Variants in UBAP2 observed in about 807,000 individuals in gnomAD.
UBAP2 encodes ubiquitin-associated protein 2.
UBAP2 carries 75 observed loss-of-function variants against 139.6 expected under a neutral mutation model. The ratio of observed to expected loss-of-function variants is 0.54; its 90% CI spans 0.45 to 0.65. The LOEUF is 0.65. UBAP2 is among the 30% of genes least tolerant of loss of function. The pLI, the probability that UBAP2 is intolerant of heterozygous loss-of-function variation, is 0.00. For synonymous variants in UBAP2, 526 were observed against 526.2 expected (o/e 1.00, Z 0.01); for missense variants, 1,368 against 1,369.6 (o/e 1.00, Z 0.02).
intron 1 of UBAP2, among the ~76,000 whole-genome samples, chr9:34,030,504 T>C (rs1197345615): frequency 6.6e-6 from 1 of 151,892 alleles, no homozygotes; most frequent in Non-Finnish European, 1.5e-5. Context: ...ACACCTGTGG[T>C]CCCAGCTACT....
At chr9:33,992,389 CAAA>C (rs33969994) in intron 4 of UBAP2, among the ~76,000 whole-genome samples, 1 of 80,020 alleles carries the variant, frequency 1.2e-5, no homozygotes. Flanking sequence ...AACTCCATCT[CAAA>C]AAAAAAAAAA....
intron 1 of UBAP2, among the ~76,000 whole-genome samples, chr9:34,017,926 C>CAA (rs796397170): frequency 3.4e-5 from 4 of 116,432 alleles, no homozygotes; most frequent in Admixed American, 8.9e-5. Context: ...GACTCCGTCT[C>CAA]AAAAAAAAAA....
At chr9:34,008,951 G>T (rs1487676225) in intron 2 of UBAP2, among the ~76,000 whole-genome samples, 2 of 111,880 alleles carry the variant, frequency 1.8e-5, no homozygotes, top group East Asian at 2.6e-4. Context: ...GCGACACAGC[G>T]AGACTGTCTC....
chr9:33,924,213 T>C lies in UBAP2; in HGVS notation c.2583A>G (p.Pro861=), dbSNP rs759213259. The change falls in exon 23 of 29, where the codon CCA becomes CCG. Residue 861 remains proline, a synonymous_variant. Coordinates refer to ENST00000379238, the MANE Select transcript of UBAP2 (RefSeq NM_001370062.2). ...TCCATTGAGCAAACTCACCTGGATA[T>C]GGATTATTAGCTAGGCTCCCATCTC... The part of the protein sequence containing the change: ...ASRDGSLANN[P]YPGDVTKFGR... The C allele has an allele frequency of 6.2e-7, 1 of 1,614,184 alleles. No homozygotes were observed. Among genetic ancestry groups the C allele is most frequent in the South Asian group, 1.1e-5 (1 of 91,086 alleles).
intron 6 of UBAP2, among the ~76,000 whole-genome samples, chr9:33,981,749 A>G (rs186483191): frequency 1.4e-3 from 211 of 145,858 alleles, no homozygotes; most frequent in Middle Eastern, 6.8e-3. Context: ...GAGGGATGGA[A>G]GGATGGAAGG....
intron 9 of UBAP2, among the ~76,000 whole-genome samples, chr9:33,962,079 G>T (rs762964094): frequency 4.6e-5 from 7 of 152,184 alleles, no homozygotes; most frequent in Non-Finnish European, 1.0e-4. Context: ...ATGAAAGCCA[G>T]AATTGTAAGA....
chr9:33,979,632 C>T (rs1820462121), intron 6 of UBAP2, among the ~76,000 whole-genome samples: 1 of 152,008 alleles, frequency 6.6e-6, no homozygotes, highest in African/African-American at 2.4e-5. Flanking sequence ...CCTGTAATCC[C>T]AGCACTTTGG....
chr9:34,001,965 TAAAAAAAA>T (rs201917526), intron 2 of UBAP2, among the ~76,000 whole-genome samples: 1 of 142,798 alleles, frequency 7.0e-6, no homozygotes, highest in Non-Finnish European at 1.5e-5. Context: ...ATTTTTTCAT[TAAAAAAAA>T]AAAACAAAAA....
intron 2 of UBAP2, among the ~76,000 whole-genome samples, chr9:34,007,529 C>T (rs970885339): frequency 1.3e-5 from 2 of 151,134 alleles, no homozygotes; most frequent in Non-Finnish European, 2.9e-5. Flanking sequence ...AGGTATGTTC[C>T]TTCCACACTC....
In UBAP2 at chr9:33,923,955, G is replaced by A; in HGVS notation, c.2636C>T (p.Pro879Leu). The part of the protein sequence containing the change: ...FGRGDSASPA[P>L]ATTPAQPQQS... Reference sequence around the variant, plus strand: ...CTGTGGCTGAGCTGGTGTGGTAGCGGGTGCAGGGGATGCAGAGTCCCCACG... The same window carrying A: ...CTGTGGCTGAGCTGGTGTGGTAGCGAGTGCAGGGGATGCAGAGTCCCCACG... The change falls in exon 24 of 29, where the codon CCC (proline) becomes CTC (leucine). Residue 879 changes from proline to leucine, a missense_variant. Coordinates refer to ENST00000379238, the MANE Select transcript of UBAP2 (RefSeq NM_001370062.2). The A allele has an allele frequency of 1.2e-6, 2 of 1,614,118 alleles. No individual in the cohort carries two copies. Among genetic ancestry groups the A allele is most frequent in the Non-Finnish European group, 1.7e-6 (2 of 1,180,022 alleles).
chr9:33,983,005 G>A (rs539285390), intron 6 of UBAP2, among the ~76,000 whole-genome samples: 1 of 151,630 alleles, frequency 6.6e-6, no homozygotes, highest in African/African-American at 2.4e-5. Flanking sequence ...CGGCCTCCAA[G>A]TAGCTGGGAC....
chr9:34,046,057 A>G (rs1429711241), intron 1 of UBAP2, among the ~76,000 whole-genome samples: 2 of 152,134 alleles, frequency 1.3e-5, no homozygotes, highest in African/African-American at 2.4e-5. Context: ...AATAACAACT[A>G]AGAGCTCCAT....
chr9:34,033,789 G>A (rs1174794376), intron 1 of UBAP2, among the ~76,000 whole-genome samples: 1 of 151,242 alleles, frequency 6.6e-6, no homozygotes, highest in Non-Finnish European at 1.5e-5. Context: ...AGGCTGGAGT[G>A]CAATGGCATG....
chr9:34,012,964 G>A (rs754373467), intron 2 of UBAP2, among the ~76,000 whole-genome samples: 66 of 151,434 alleles, frequency 4.4e-4, no homozygotes, highest in Middle Eastern at 6.8e-3. Context: ...TGACTAACCT[G>A]GCCAACATGG....
At position 33,979,714 on chromosome 9, in the gene UBAP2, C is replaced by T. The variant is rs185608097; in HGVS notation, c.521-6477G>A. Among the ~76,000 whole-genome samples the T allele has an allele frequency of 2.6e-5, 4 of 152,040 alleles. No homozygotes were observed. In the East Asian group the frequency reaches 7.8e-4, roughly 29 times the overall value. On this transcript the variant is annotated intron_variant, in intron 6 of 28. Coordinates refer to ENST00000379238, the MANE Select transcript of UBAP2 (RefSeq NM_001370062.2). ...TGGCCAACATGGTGAAACCCCGTCT[C>T]TACTAAAAAATACAAGAAGTAGCTG...
intron 2 of UBAP2, 102 bp downstream of exon 2, chr9:34,016,948 T>C (rs1824407797): frequency 2.4e-6 from 2 of 822,492 alleles, no homozygotes; most frequent in African/African-American, 3.5e-5. Flanking sequence ...ATTTCCTTAA[T>C]TCTAAACAAG....
At chr9:34,034,092 C>T (rs1826123353) in intron 1 of UBAP2, among the ~76,000 whole-genome samples, 1 of 152,118 alleles carries the variant, frequency 6.6e-6, no homozygotes, top group Admixed American at 6.6e-5. Context: ...TCATTATTCA[C>T]ATCTCTGCAG....
chr9:34,035,719 C>CA (rs1441803242), intron 1 of UBAP2, among the ~76,000 whole-genome samples: 1 of 151,208 alleles, frequency 6.6e-6, no homozygotes, highest in African/African-American at 2.4e-5. Context: ...ACACTATCAA[C>CA]AAAAACTGTC....
At chr9:33,989,226 G>A (rs1240218111) in intron 4 of UBAP2, 100 bp from the exon 5 acceptor site, 23 of 1,274,518 alleles carry the variant, frequency 1.8e-5, no homozygotes, top group Middle Eastern at 2.8e-4. Flanking sequence ...TTTTTGAGAC[G>A]GAGTCTCGCT....
Sources: allele counts gnomAD v4.1 joint callset (sites outside exome capture counted in the v4.1 genomes callset), GRCh38; gene constraint gnomAD v4.1.1; transcripts MANE v1.5; gene names NCBI Gene and HGNC (gene_info 2026-07-23, HGNC 2026-07-21).